The following FRMD4B variants were observed in gnomAD, a reference collection of about 807,000 sequenced individuals.
FRMD4B encodes FERM domain containing 4B.
A neutral mutation model predicts 141.5 loss-of-function variants in FRMD4B; 74 were observed. The ratio of observed to expected loss-of-function variants is 0.52; its 90% confidence interval spans 0.43 to 0.63. The LOEUF (loss-of-function observed/expected upper bound fraction) is 0.63. Ranked by LOEUF, FRMD4B falls within the 30% of genes least tolerant of loss-of-function variation. FRMD4B has a pLI of 0.00. For missense variants in FRMD4B, 1,366 were observed against 1,253.4 expected (o/e 1.09, Z -1.36); for synonymous variants, 506 against 467.9 (o/e 1.08, Z -1.05).
Position 69,181,653 on chromosome 3 carries a change from G to A in FRMD4B, c.2097C>T (p.Ser699=), listed in dbSNP as rs775634806. The part of the protein sequence containing the change: ...RQRSGSLESQ[S]HLLSEMDSDK... ...CGCTGTCCATCTCGGAGAGCAGGTG[G>A]GACTGGGACTCCAGGCTTCCACTCC... Residue 699 remains serine, a synonymous_variant, in exon 21 of 23, where the codon TCC becomes TCT. Transcript: ENST00000398540. The A allele has an allele frequency of 6.2e-6, 10 of 1,613,652 alleles. No individual in the cohort carries two copies. In the East Asian group the frequency reaches 8.9e-5, roughly 14 times the overall value.
intron 2 of FRMD4B, among the ~76,000 whole-genome samples, chr3:69,425,588 C>A (rs981441403): frequency 6.6e-6 from 1 of 152,176 alleles, no homozygotes; most frequent in Non-Finnish European, 1.5e-5. Flanking sequence ...CCCTACCTTT[C>A]GTGATGGCTT....
chr3:69,485,560 G>A (rs1227857451), intron 1 of FRMD4B, among the ~76,000 whole-genome samples: 1 of 152,194 alleles, frequency 6.6e-6, no homozygotes, highest in Non-Finnish European at 1.5e-5. Flanking sequence ...TGCAACTGGG[G>A]AGCTCCCACC....
At chr3:69,307,915 G>A (rs895870159) in intron 3 of FRMD4B, among the ~76,000 whole-genome samples, 2 of 152,094 alleles carry the variant, frequency 1.3e-5, no homozygotes, top group African/African-American at 4.8e-5. Context: ...TTGTCCCCAC[G>A]ATCAGGCCAA....
chr3:69,232,829 G>A lies in FRMD4B; in HGVS notation c.582-8139C>T, dbSNP rs112260279. Among the ~76,000 whole-genome samples the A allele has an allele frequency of 3.8e-4, 57 of 151,286 alleles. 1 individual carries two copies. Among genetic ancestry groups the A allele is most frequent in the African/African-American group, 9.9e-4 (41 of 41,224 alleles). On this transcript the variant is annotated intron_variant, in intron 7 of 22. Coordinates refer to ENST00000398540, the MANE Select transcript of FRMD4B (RefSeq NM_015123.3). ...CTAAGACCCTTGCTGTCTATGCTTG[G>A]TGTGGGGGCATCCTCCATTTGTAGA...
intron 1 of FRMD4B, among the ~76,000 whole-genome samples, chr3:69,520,488 G>A (rs984694663): frequency 3.3e-5 from 5 of 150,728 alleles, no homozygotes; most frequent in African/African-American, 1.2e-4. Flanking sequence ...GCTGCACCCT[G>A]CAACCTCTCT....
chr3:69,314,252 G>A (rs1292889540), intron 1 of FRMD4B, among the ~76,000 whole-genome samples: 1 of 133,046 alleles, frequency 7.5e-6, no homozygotes, highest in Admixed American at 8.0e-5. Flanking sequence ...AGCCAGCCAG[G>A]CACAGTGGCT....
At chr3:69,306,714 C>T (rs1033284469) in intron 3 of FRMD4B, 3 of 152,148 alleles carry the variant, frequency 2.0e-5, no homozygotes, top group Non-Finnish European at 4.4e-5. Flanking sequence ...TTCCGTTTCT[C>T]CTCTTGGCCT....
At chr3:69,461,871 G>C (rs373639023) in intron 1 of FRMD4B, among the ~76,000 whole-genome samples, 1 of 152,022 alleles carries the variant, frequency 6.6e-6, no homozygotes, top group African/African-American at 2.4e-5. Context: ...CCTCTCAAAA[G>C]TGTCCCGTTT....
chr3:69,370,999 A>G (rs1703808403), intron 1 of FRMD4B, among the ~76,000 whole-genome samples: 1 of 152,196 alleles, frequency 6.6e-6, no homozygotes, highest in Non-Finnish European at 1.5e-5. Context: ...TTCAGCTATG[A>G]ATAACGTTCT....
intron 1 of FRMD4B, among the ~76,000 whole-genome samples, chr3:69,485,706 G>T (rs894270382): frequency 5.9e-5 from 9 of 152,212 alleles, no homozygotes; most frequent in Admixed American, 5.9e-4. Flanking sequence ...CCAGCATCCA[G>T]GGCAGGGGCA....
intron 2 of FRMD4B, among the ~76,000 whole-genome samples, chr3:69,423,125 A>G (rs1324694786): frequency 6.6e-6 from 1 of 152,236 alleles, no homozygotes; most frequent in Non-Finnish European, 1.5e-5. Context: ...GAATTCATTC[A>G]TAACTCCAAA....
chr3:69,351,566 A>T (rs1703151744), intron 1 of FRMD4B, among the ~76,000 whole-genome samples: 1 of 152,192 alleles, frequency 6.6e-6, no homozygotes, highest in African/African-American at 2.4e-5. Context: ...CAGAAAGCAG[A>T]ATCTCATTTG....
intron 1 of FRMD4B, among the ~76,000 whole-genome samples, chr3:69,352,967 A>G (rs1484850181): frequency 6.6e-6 from 1 of 152,142 alleles, no homozygotes; most frequent in African/African-American, 2.4e-5. Context: ...GGCCCCAAAC[A>G]CATCTTGCTG....
At chr3:69,475,343 C>T (rs905827164) in intron 1 of FRMD4B, among the ~76,000 whole-genome samples, 1 of 151,910 alleles carries the variant, frequency 6.6e-6, no homozygotes, top group Non-Finnish European at 1.5e-5. Context: ...TCTCCTAATG[C>T]TATCCCTCCC....
chr3:69,462,990 C>G (rs987864322), intron 1 of FRMD4B, among the ~76,000 whole-genome samples: 1 of 152,224 alleles, frequency 6.6e-6, no homozygotes, highest in Non-Finnish European at 1.5e-5. Flanking sequence ...CTCACTCCTT[C>G]TTATTCACAC....
intron 12 of FRMD4B, among the ~76,000 whole-genome samples, chr3:69,197,262 T>A (rs6549187): frequency 2.0e-5 from 3 of 152,060 alleles, no homozygotes; most frequent in African/African-American, 7.3e-5. Flanking sequence ...TAAAAACACA[T>A]ACACATGAAC....
chr3:69,473,775 C>A (rs758910552), intron 1 of FRMD4B, among the ~76,000 whole-genome samples: 6 of 152,178 alleles, frequency 3.9e-5, no homozygotes, highest in Non-Finnish European at 8.8e-5. Context: ...AGGTGAAAAG[C>A]AAAGTAGCTT....
chr3:69,488,386 C>A (rs1706251818), intron 1 of FRMD4B, among the ~76,000 whole-genome samples: 1 of 152,172 alleles, frequency 6.6e-6, no homozygotes, highest in Non-Finnish European at 1.5e-5. Context: ...AGAAAGATGG[C>A]ACCAATTAAA....
intron 5 of FRMD4B, among the ~76,000 whole-genome samples, chr3:69,272,553 G>A (rs552922494): frequency 6.6e-6 from 1 of 152,246 alleles, no homozygotes; most frequent in East Asian, 1.9e-4. Flanking sequence ...AATGAGTTGA[G>A]GATTAAAACA....
Sources: allele counts gnomAD v4.1 joint callset (sites outside exome capture counted in the v4.1 genomes callset), GRCh38; gene constraint gnomAD v4.1.1; transcripts MANE v1.5; gene names NCBI Gene and HGNC (gene_info 2026-07-23, HGNC 2026-07-21).